PFKP: variants seen among roughly 807,000 people sequenced by gnomAD.
PFKP encodes phosphofructokinase, platelet.
A neutral mutation model predicts 94.3 loss-of-function variants in PFKP; 101 were observed. The observed-to-expected ratio is 1.07, with a 90% confidence interval of 0.91 to 1.26. The LOEUF is 1.26. PFKP is among the 50% of genes most tolerant of loss of function. PFKP has a pLI of 0.00. For synonymous variants in PFKP, 573 were observed against 432.6 expected (o/e 1.32, Z -4.03); for missense variants, 1,145 against 1,103.3 (o/e 1.04, Z -0.53).
rs752668841 is a variant in PFKP, at chr10:3,103,802, CAGA to C, written c.481_483del (p.Lys161del). 3.1e-6 allele frequency: 5 copies of C among 1,613,818 alleles called. No individual in the cohort carries two copies. Among genetic ancestry groups the C allele is most frequent in the Non-Finnish European group, 4.2e-6 (5 of 1,180,040 alleles). ...AGGCCAGATCGATAAGGAGGCCGTG[CAGA>C]AGTACGCCTACCTCAACGTGGTGGG... On this transcript the variant is annotated inframe_deletion, in exon 5 of 22. Coordinates refer to ENST00000381125, the MANE Select transcript of PFKP (RefSeq NM_002627.5).
chr10:3,132,957 C>T (rs954675442), intron 18 of PFKP, among the ~76,000 whole-genome samples: 4 of 152,300 alleles, frequency 2.6e-5, no homozygotes, highest in African/African-American at 9.6e-5. Context: ...GAATGGTGTG[C>T]AATTTAAAAC....
rs751029269 is a variant in PFKP at position 3,133,262 on chromosome 10, A to C, written c.1970A>C (p.Glu657Ala). 6.2e-7 allele frequency: 1 copy of C among 1,614,182 alleles called. No homozygotes were observed. The highest frequency in any genetic ancestry group is 1.7e-5 in the Admixed American group (1 of 60,030). The stretch of plus-strand genomic sequence containing the variant: ...TTCATTTACCAGCTGTATTCAGAAG[A>C]GGGCAAAGGCGTGTTTGACTGCAGG... The part of the protein sequence containing the change: ...TDFIYQLYSE[E>A]GKGVFDCRKN... Residue 657 changes from glutamate to alanine, a missense_variant, in exon 19 of 22, where the codon GAG (glutamate) becomes GCG (alanine). Glu to Ala is a moderately radical substitution (Grantham distance 107, BLOSUM62 -1). Coordinates refer to ENST00000381125, the MANE Select transcript of PFKP (RefSeq NM_002627.5).
In PFKP at chr10:3,134,564, A is replaced by G. The variant is rs769890413; in HGVS notation, c.2104A>G (p.Lys702Glu). 5 of 1,612,550 alleles carry G rather than the reference A, an allele frequency of 3.1e-6. No individual in the cohort carries two copies. Among genetic ancestry groups the G allele is most frequent in the Non-Finnish European group, 3.4e-6 (4 of 1,178,700 alleles). ...RAMEWITAKL[K>E]EARGRGKKFT... ...TATGGAGTGGATCACTGCAAAACTC[A>G]AGGAGGCCCGGGGCAGAGGTAAGGG... The change falls in exon 20 of 22, where the codon AAG becomes GAG. Residue 702 changes from lysine to glutamate, a missense_variant. By Grantham distance (56) the Lys-to-Glu change is moderately conservative. Coordinates refer to ENST00000381125, the MANE Select transcript of PFKP (RefSeq NM_002627.5).
rs1564367701 is a variant in PFKP at position 3,136,619 on chromosome 10, G to C, written c.*40G>C. ...CATGTGCCTGCAGCCACCGTGGACT[G>C]TCTGTTTTTGTAACACTTAAGTTAT... On this transcript the variant is annotated 3_prime_UTR_variant, in exon 22 of 22. Coordinates refer to ENST00000381125, the MANE Select transcript of PFKP (RefSeq NM_002627.5). 10 of 1,600,760 alleles carry C rather than the reference G, an allele frequency of 6.2e-6. No homozygotes were observed. In the East Asian group the frequency reaches 1.3e-4, roughly 22 times the overall value.
At chr10:3,084,900 A>C (rs1366614414) in intron 2 of PFKP, among the ~76,000 whole-genome samples, 7 of 8,346 alleles carry the variant, frequency 8.4e-4, no homozygotes, top group African/African-American at 2.2e-3. Flanking sequence ...CCCCCACTCC[A>C]CTCTCCAGCA....
intron 2 of PFKP, among the ~76,000 whole-genome samples, chr10:3,092,940 A>C (rs1834163164): frequency 6.8e-6 from 1 of 146,588 alleles, no homozygotes; most frequent in Non-Finnish European, 1.5e-5. Flanking sequence ...GGGGGTGGCC[A>C]CGGAAGCCTG....
At chr10:3,073,534 G>A (rs1358918881) in intron 1 of PFKP, among the ~76,000 whole-genome samples, 2 of 151,800 alleles carry the variant, frequency 1.3e-5, no homozygotes, top group African/African-American at 2.4e-5. Flanking sequence ...CCAGTGGAGC[G>A]GTTTGCAAAT....
intron 2 of PFKP, among the ~76,000 whole-genome samples, chr10:3,084,726 AG>A (rs1240790725): frequency 6.7e-4 from 89 of 132,608 alleles, no homozygotes; most frequent in Admixed American, 3.1e-3. Flanking sequence ...AGAGTCCTCC[AG>A]CCCCTCCCCA....
chr10:3,100,097 G>A (rs1834857272), intron 3 of PFKP, among the ~76,000 whole-genome samples: 1 of 151,538 alleles, frequency 6.6e-6, no homozygotes, highest in African/African-American at 2.4e-5. Flanking sequence ...AAGAGAGTGA[G>A]TGAGAGAATG....
At chr10:3,121,460 T>G (rs761869267) in intron 16 of PFKP, among the ~76,000 whole-genome samples, 1 of 152,212 alleles carries the variant, frequency 6.6e-6, no homozygotes, top group South Asian at 2.1e-4. Flanking sequence ...TGAAGCTTCT[T>G]TTTTCCCTAA....
At chr10:3,109,133 A>T (rs2306297) in intron 9 of PFKP, among the ~76,000 whole-genome samples, 8 of 151,904 alleles carry the variant, frequency 5.3e-5, no homozygotes, top group Non-Finnish European at 7.4e-5. Flanking sequence ...ACAAACCCTC[A>T]GTTCTTAACA....
intron 2 of PFKP, among the ~76,000 whole-genome samples, chr10:3,089,634 T>G (rs1467055075): frequency 6.6e-6 from 1 of 150,662 alleles, no homozygotes; most frequent in Non-Finnish European, 1.5e-5. Context: ...TTTGAAATAT[T>G]ATTTTGAATA....
Position 3,133,365 on chromosome 10 carries a change from TAA to T in PFKP, c.2022+54_2022+55del, listed in dbSNP as rs774382702. On this transcript the variant is annotated intron_variant, in intron 19 of 21. Coordinates refer to ENST00000381125, the MANE Select transcript of PFKP (RefSeq NM_002627.5). Reference sequence around the variant, plus strand: ...CACAAAGCCCCTGTCATGTGACTTTTAAAAGATTAGTGTCTTATTTTAGCCAT... The same window carrying T: ...CACAAAGCCCCTGTCATGTGACTTTTAAGATTAGTGTCTTATTTTAGCCAT... 22 of 1,144,478 alleles carry T rather than the reference TAA, an allele frequency of 1.9e-5. 1 individual carries two copies. In the South Asian group the frequency reaches 2.7e-4, roughly 14 times the overall value. 70.9% of individuals were successfully genotyped at this position (1,144,478 alleles called of 1,614,324 possible). A position where few individuals can be genotyped will look rare whatever the true frequency, so the allele number is the denominator to read the frequency against.
rs569546377 is a variant in PFKP, at chr10:3,078,643, C to T, written c.113-3745C>T. On this transcript the variant is annotated intron_variant, in intron 1 of 21. Transcript: ENST00000381125. ...TAAAATGAAATAAGACTAGGGTTTA[C>T]ACTACAGCTTCACCGCTTACTAATG... 2.1e-4 allele frequency among the ~76,000 whole-genome samples: 32 copies of T among 152,338 alleles called. No homozygotes were observed. The South Asian group carries it at 3.1e-3, about 15-fold the overall frequency.
chr10:3,105,967 G>A (rs940967415), intron 7 of PFKP, among the ~76,000 whole-genome samples: 1 of 152,214 alleles, frequency 6.6e-6, no homozygotes, highest in African/African-American at 2.4e-5. Flanking sequence ...GAAGGACGAC[G>A]GGGACAGCAG....
At chr10:3,089,518 A>AGT (rs1464558113) in intron 2 of PFKP, among the ~76,000 whole-genome samples, 1 of 152,102 alleles carries the variant, frequency 6.6e-6, no homozygotes, top group Non-Finnish European at 1.5e-5. Flanking sequence ...GTCTCATACA[A>AGT]GCATGCAATG....
intron 10 of PFKP, 65 bp from the exon 11 acceptor site, chr10:3,112,157 C>G: frequency 7.5e-7 from 1 of 1,330,314 alleles, no homozygotes; most frequent in East Asian, 2.3e-5. Flanking sequence ...CAGTCTCTAC[C>G]TACCCCATCC....
At chr10:3,115,729 T>C (rs536770823) in intron 13 of PFKP, among the ~76,000 whole-genome samples, 1 of 152,304 alleles carries the variant, frequency 6.6e-6, no homozygotes, top group African/African-American at 2.4e-5. Context: ...CTCACAGAGC[T>C]TCCCTGAGGG....
At chr10:3,078,918 T>TA (rs1342685917) in intron 1 of PFKP, among the ~76,000 whole-genome samples, 2 of 152,200 alleles carry the variant, frequency 1.3e-5, no homozygotes, top group Non-Finnish European at 2.9e-5. Context: ...CATAAATTAA[T>TA]AGAAGTCCTT....
Sources: allele counts gnomAD v4.1 joint callset (sites outside exome capture counted in the v4.1 genomes callset), GRCh38; gene constraint gnomAD v4.1.1; transcripts MANE v1.5; gene names NCBI Gene and HGNC (gene_info 2026-07-23, HGNC 2026-07-21).